Variants in MIA2 observed in about 807,000 individuals in gnomAD.
MIA2 encodes melanoma inhibitory activity protein 2.
In MIA2, 127 loss-of-function variants were observed where a neutral mutation model predicts 167.8. The ratio of observed to expected loss-of-function variants is 0.76; its 90% confidence interval spans 0.66 to 0.88. MIA2 has a LOEUF of 0.88. MIA2 is among the 40% of genes least tolerant of loss of function. The pLI, the probability that MIA2 is intolerant of heterozygous loss-of-function variation, is 0.00. For synonymous variants in MIA2, 552 were observed against 541.9 expected (o/e 1.02, Z -0.26); for missense variants, 1,690 against 1,624.7 (o/e 1.04, Z -0.69).
intron 13 of MIA2, among the ~76,000 whole-genome samples, chr14:39,297,344 G>A (rs902363226): frequency 1.3e-5 from 2 of 151,734 alleles, no homozygotes; most frequent in Non-Finnish European, 2.9e-5. Context: ...TGCTTGCCTC[G>A]GCCTCCCAAA....
chr14:39,261,086 C>A (rs2055082580), intron 6 of MIA2, among the ~76,000 whole-genome samples: 1 of 151,888 alleles, frequency 6.6e-6, no homozygotes, highest in East Asian at 1.9e-4. Flanking sequence ...GTGTGCTGCA[C>A]CCATTAACTT....
chr14:39,237,094 G>T, intron 2 of MIA2, 39 bp downstream of exon 2: 2 of 1,602,108 alleles, frequency 1.2e-6, no homozygotes, highest in South Asian at 2.2e-5. Context: ...CAGAATAAAT[G>T]ACCAACTTGC....
At chr14:39,342,771 T>C (rs1377073023) in intron 25 of MIA2, among the ~76,000 whole-genome samples, 1 of 152,208 alleles carries the variant, frequency 6.6e-6, no homozygotes, top group Non-Finnish European at 1.5e-5. Flanking sequence ...GCATTTCCTT[T>C]CCTGGGCATA....
chr14:39,270,720 C>T (rs552006314), intron 6 of MIA2, among the ~76,000 whole-genome samples: 23 of 152,180 alleles, frequency 1.5e-4, no homozygotes, highest in Admixed American at 1.2e-3. Flanking sequence ...TTGTATTTTC[C>T]TAGTAACTAA....
chr14:39,304,251 C>T (rs2062969449), intron 16 of MIA2, 40 bp from the exon 17 acceptor site: 3 of 922,854 alleles, frequency 3.3e-6, no homozygotes. Flanking sequence ...TTTTGTATAA[C>T]TGATTAATGT....
chr14:39,351,281 TA>T (rs1471123486), downstream of MIA2: 1 of 151,572 alleles, frequency 6.6e-6, no homozygotes, highest in Non-Finnish European at 1.5e-5. Flanking sequence ...AGCAGTGATA[TA>T]TATTGGAACA....
In MIA2 at chr14:39,247,190, C is replaced by A. The variant is rs768099235; in HGVS notation, c.616C>A (p.Gln206Lys). ...WEEVVVESME[Q>K]DRIPEVHVPP... ...AGAAGTAGTTGTTGAAAGTATGGAA[C>A]AGGATCGTATTCCAGAAGTGCATGT... is the stretch of plus-strand genomic sequence containing the variant. The change falls in exon 4 of 29, where the codon CAG becomes AAG. Residue 206 changes from glutamine (Q) to lysine (K), a missense_variant. By Grantham distance (53) the Gln-to-Lys change is moderately conservative. Coordinates refer to ENST00000640607, the MANE Select transcript of MIA2 (RefSeq NM_001329214.4). The A allele has an allele frequency of 6.2e-6, 10 of 1,614,098 alleles. No individual in the cohort carries two copies. The South Asian group carries it at 1.1e-4, about 18-fold the overall frequency.
At chr14:39,269,610 C>T (rs1330354290) in intron 6 of MIA2, among the ~76,000 whole-genome samples, 1 of 151,804 alleles carries the variant, frequency 6.6e-6, no homozygotes, top group Non-Finnish European at 1.5e-5. Context: ...GCTTAGACCT[C>T]TCTGGCTCAG....
chr14:39,351,200 C>T (rs1036450394), downstream of MIA2: 6 of 151,654 alleles, frequency 4.0e-5, no homozygotes, highest in African/African-American at 1.2e-4. Context: ...TTAACGTTGC[C>T]CAGTTGGTTG....
intron 25 of MIA2, among the ~76,000 whole-genome samples, chr14:39,336,435 T>G (rs1316663351): frequency 1.3e-5 from 2 of 152,336 alleles, no homozygotes; most frequent in African/African-American, 4.8e-5. Flanking sequence ...GACTCAATCT[T>G]ATAAACTAAT....
intron 1 of MIA2, among the ~76,000 whole-genome samples, chr14:39,235,038 G>T (rs2053666183): frequency 6.7e-6 from 1 of 149,590 alleles, no homozygotes; most frequent in Non-Finnish European, 1.5e-5. Flanking sequence ...CTACCTTTTT[G>T]GTTTTTTTTT....
chr14:39,327,648 G>A (rs1482050869), intron 25 of MIA2, among the ~76,000 whole-genome samples: 2 of 151,870 alleles, frequency 1.3e-5, no homozygotes, highest in Admixed American at 1.3e-4. Context: ...GCCCCGGTGT[G>A]TGATGTTCCC....
At chr14:39,287,607 A>G (rs1036223385) in intron 9 of MIA2, among the ~76,000 whole-genome samples, 1 of 151,776 alleles carries the variant, frequency 6.6e-6, no homozygotes, top group Non-Finnish European at 1.5e-5. Flanking sequence ...CTCTTTCACT[A>G]GGCTGGAATG....
intron 24 of MIA2, among the ~76,000 whole-genome samples, chr14:39,325,165 G>T (rs1358468050): frequency 6.6e-6 from 1 of 151,964 alleles, no homozygotes; most frequent in East Asian, 2.0e-4. Context: ...GGAGGTTGCA[G>T]TGAGCTGAGA....
chr14:39,366,195 C>T (rs1007004943), intron 23 of MIA2, among the ~76,000 whole-genome samples: 2 of 151,924 alleles, frequency 1.3e-5, no homozygotes, highest in Non-Finnish European at 2.9e-5. Context: ...TGGGCCAGGC[C>T]GTCCTCAGGG....
intron 25 of MIA2, among the ~76,000 whole-genome samples, chr14:39,327,801 A>G (rs552784860): frequency 3.9e-4 from 59 of 152,268 alleles, no homozygotes; most frequent in African/African-American, 1.3e-3. Context: ...ACATGAACTC[A>G]TTCTTTTTTA....
At chr14:39,267,079 C>G in intron 6 of MIA2, 2 of 1,095,356 alleles carry the variant, frequency 1.8e-6, no homozygotes, top group Non-Finnish European at 2.2e-6. Flanking sequence ...GACCCGGACA[C>G]GTCTGCGAAG....
chr14:39,315,561 C>A, intron 20 of MIA2, 122 bp from the exon 21 acceptor site: 1 of 687,370 alleles, frequency 1.5e-6, no homozygotes, highest in Non-Finnish European at 2.5e-6. Flanking sequence ...AAAAATGTTG[C>A]CTACTCTTCA....
chr14:39,303,894 T>G lies in MIA2; in HGVS notation c.2787+370T>G, dbSNP rs191394173. ...TTAAGTAAATACTAGATGCCTTTTT[T>G]TCTGGTTTATTCCTTCTCTTTTCCA... On this transcript the variant is annotated intron_variant, in intron 16 of 28. Coordinates refer to ENST00000640607, the MANE Select transcript of MIA2 (RefSeq NM_001329214.4). Among the ~76,000 whole-genome samples, 79 of 152,268 alleles carry G rather than the reference T, an allele frequency of 5.2e-4. No homozygotes were observed. The East Asian group carries it at 0.013, about 24-fold the overall frequency.
Sources: gnomAD v4.1 joint callset for allele counts (sites outside exome capture counted in the v4.1 genomes callset) on GRCh38, gnomAD v4.1.1 for gene constraint, MANE v1.5 for transcripts, NCBI Gene and HGNC (gene_info 2026-07-23, HGNC 2026-07-21) for gene names.